The following P4HA2 variants were observed in gnomAD, a reference collection of about 807,000 sequenced individuals.
P4HA2 encodes the protein prolyl 4-hydroxylase subunit alpha-2.
Under a neutral mutation model 76.9 loss-of-function variants are expected in P4HA2, and 46 were observed. The observed-to-expected ratio is 0.60, with a 90% confidence interval of 0.47 to 0.76. P4HA2 has a LOEUF of 0.76. Ranked by LOEUF, P4HA2 falls within the 30% of genes least tolerant of loss-of-function variation. The pLI is 0.00. For missense variants in P4HA2, 583 were observed against 669.4 expected, an observed-to-expected ratio of 0.87 and a Z score of 1.42; for synonymous variants, 243 against 254.0, an observed-to-expected ratio of 0.96 and a Z score of 0.41.
At chr5:132,222,989 C>T (rs1037535677) in intron 1 of P4HA2, among the ~76,000 whole-genome samples, 8 of 152,232 alleles carry the variant, frequency 5.3e-5, no homozygotes, top group Non-Finnish European at 7.3e-5. Flanking sequence ...CCATATACCA[C>T]TATATTGGAT....
intron 4 of P4HA2, among the ~76,000 whole-genome samples, chr5:132,214,734 A>G (rs142876090): frequency 6.6e-5 from 10 of 152,006 alleles, no homozygotes; most frequent in Non-Finnish European, 1.3e-4. Flanking sequence ...CCGTCCCCTA[A>G]GAGACCACGG....
chr5:132,203,988 G>C, intron 9 of P4HA2, 94 bp downstream of exon 9: 1 of 1,189,150 alleles, frequency 8.4e-7, no homozygotes, highest in Non-Finnish European at 1.3e-6. Flanking sequence ...GGTGCCAGCA[G>C]GCAGGAAAAG....
chr5:132,193,103 T>C, intron 14 of P4HA2, 23 bp from the exon 15 acceptor site: 1 of 1,581,472 alleles, frequency 6.3e-7, no homozygotes, highest in Non-Finnish European at 8.7e-7. Context: ...AGCAAGCATG[T>C]TACAATCCTA....
chr5:132,214,339 G>A (rs1448024392), intron 4 of P4HA2, among the ~76,000 whole-genome samples: 1 of 152,172 alleles, frequency 6.6e-6, no homozygotes, highest in African/African-American at 2.4e-5. Context: ...AGAAGTCTTG[G>A]CTCCAAATCA....
chr5:132,191,265 C>A lies in P4HA2; in HGVS notation c.*1745G>T, dbSNP rs1158087513. On this transcript the variant is annotated 3_prime_UTR_variant, in exon 15 of 15. Transcript: ENST00000360568. ...CGGTGGCTCACGCCTGTAATCCCAG[C>A]ACTTTGGGAGGCCGAGGCGGGCGGA... Among the ~76,000 whole-genome samples the A allele has an allele frequency of 1.3e-5, 2 of 152,152 alleles. No individual in the cohort carries two copies. The highest frequency in any genetic ancestry group is 2.9e-5 in the Non-Finnish European group (2 of 68,022).
At chr5:132,201,358 C>T (rs560743655) in intron 10 of P4HA2, 1 of 152,174 alleles carries the variant, frequency 6.6e-6, no homozygotes, top group African/African-American at 2.4e-5. Context: ...TGAGCTACAG[C>T]TGAAAGAATG....
At position 132,203,732 on chromosome 5, in the gene P4HA2, C is replaced by G; in HGVS notation, c.1251+16G>C. On this transcript the variant is annotated intron_variant, in intron 10 of 14. Coordinates refer to ENST00000360568, the MANE Select transcript of P4HA2 (RefSeq NM_001017974.2). ...ACCCACTTCCCAACTCCTACAGTCC[C>G]AGGTACTATCTGTACCTGTAACAAT... 6.6e-7 allele frequency: 1 copy of G among 1,515,660 alleles called. No individual in the cohort carries two copies. Among genetic ancestry groups the G allele is most frequent in the Non-Finnish European group, 9.2e-7 (1 of 1,090,320 alleles). 93.9% of individuals were successfully genotyped at this position (1,515,660 alleles called of 1,614,324 possible).
At chr5:132,212,324 G>C (rs752596165) in intron 5 of P4HA2, among the ~76,000 whole-genome samples, 51 of 152,178 alleles carry the variant, frequency 3.4e-4, no homozygotes, top group Non-Finnish European at 5.1e-4. Flanking sequence ...GTCTTAAGCA[G>C]TAAGCTGGAG....
Position 132,214,051 on chromosome 5 carries a change from A to G in P4HA2, c.334T>C (p.Phe112Leu). 1 of 1,613,918 alleles carries G rather than the reference A, an allele frequency of 6.2e-7. No homozygotes were observed. The highest frequency in any genetic ancestry group is 1.7e-4 in the Middle Eastern group (1 of 6,060). Residue 112 changes from phenylalanine (F) to leucine (L), a missense_variant and splice_region_variant, in exon 5 of 15, where the codon TTT (phenylalanine) becomes CTT (leucine). By Grantham distance (22) the Phe-to-Leu change is conservative. Coordinates refer to ENST00000360568, the MANE Select transcript of P4HA2 (RefSeq NM_001017974.2). ...CGCTGCACAGAGAGGTTGGCGATAA[A>G]ACCTTCCAAATGAGAGTCAGAACAA... is the stretch of plus-strand genomic sequence containing the variant. ...DLVLQDSAAG[F>L]IANLSVQRQF...
intron 7 of P4HA2, among the ~76,000 whole-genome samples, chr5:132,208,511 C>A (rs188705987): frequency 2.0e-5 from 3 of 150,122 alleles, no homozygotes; most frequent in African/African-American, 7.4e-5. Flanking sequence ...CCCCACAAAT[C>A]ATGCAATTTT....
chr5:132,225,059 A>AC (rs996202225), intron 1 of P4HA2, among the ~76,000 whole-genome samples: 5 of 151,882 alleles, frequency 3.3e-5, no homozygotes, highest in Admixed American at 2.6e-4. Flanking sequence ...GAAAAAAAAA[A>AC]AAAAAAAAAA....
chr5:132,194,646 T>C (rs182228024), intron 14 of P4HA2, among the ~76,000 whole-genome samples: 26 of 152,358 alleles, frequency 1.7e-4, no homozygotes, highest in Middle Eastern at 3.4e-3. Flanking sequence ...TCAGAAGCCT[T>C]GCCAGAGGGT....
rs1289377621 is a variant in P4HA2, at chr5:132,191,283, C to T, written c.*1727G>A. 6.6e-6 allele frequency among the ~76,000 whole-genome samples: 1 copy of T among 151,980 alleles called. No individual in the cohort carries two copies. Among genetic ancestry groups the T allele is most frequent in the Non-Finnish European group, 1.5e-5 (1 of 67,986 alleles). On this transcript the variant is annotated 3_prime_UTR_variant, in exon 15 of 15. Coordinates refer to ENST00000360568, the MANE Select transcript of P4HA2 (RefSeq NM_001017974.2). ...ATCCCAGCACTTTGGGAGGCCGAGG[C>T]GGGCGGATCACGAGGTCAGGAGATC... is the stretch of plus-strand genomic sequence containing the variant.
At chr5:132,193,184 C>A in intron 14 of P4HA2, 104 bp from the exon 15 acceptor site, 1 of 762,398 alleles carries the variant, frequency 1.3e-6, no homozygotes, top group South Asian at 1.5e-5. Flanking sequence ...TGGAATCAGA[C>A]ACAAATAAGA....
chr5:132,219,445 A>G (rs1754350546), intron 1 of P4HA2, among the ~76,000 whole-genome samples: 1 of 152,224 alleles, frequency 6.6e-6, no homozygotes, highest in Non-Finnish European at 1.5e-5. Context: ...GACATGGGAA[A>G]GGGGCCAGCT....
intron 4 of P4HA2, among the ~76,000 whole-genome samples, chr5:132,214,555 G>T (rs1391937414): frequency 6.6e-6 from 1 of 152,174 alleles, no homozygotes; most frequent in Non-Finnish European, 1.5e-5. Flanking sequence ...GACAATGACA[G>T]TTAACTAATG....
At chr5:132,218,718 C>T (rs1036411001) in intron 1 of P4HA2, 74 bp from the exon 2 acceptor site, 4 of 821,316 alleles carry the variant, frequency 4.9e-6, no homozygotes, top group African/African-American at 1.7e-5. Flanking sequence ...GACACATAGG[C>T]ATGTACACAC....
At chr5:132,195,708 G>A (rs1750533175) in intron 12 of P4HA2, 4 of 578,770 alleles carry the variant, frequency 6.9e-6, no homozygotes, top group Non-Finnish European at 1.2e-5. Context: ...CAAGAGTTGA[G>A]GCCCACAGGA....
In P4HA2 at chr5:132,191,511, C is replaced by CAAAA. The variant is rs76741539; in HGVS notation, c.*1495_*1498dup. ...TGGGCGACAGAGCGAGACTCCGTCT[C>CAAAA]AAAAAAAAAAAAAAAAAAAAAGATT... is the stretch of plus-strand genomic sequence containing the variant. On this transcript the variant is annotated 3_prime_UTR_variant, in exon 15 of 15. Coordinates refer to ENST00000360568, the MANE Select transcript of P4HA2 (RefSeq NM_001017974.2). Among the ~76,000 whole-genome samples the CAAAA allele has an allele frequency of 2.0e-5, 1 of 49,080 alleles. No homozygotes were observed. Among genetic ancestry groups the CAAAA allele is most frequent in the Admixed American group, 2.1e-4 (1 of 4,836 alleles). The allele number at this position is 49,080 out of a possible 152,430, so 32.2% of individuals were successfully genotyped here. A position where few individuals can be genotyped will look rare whatever the true frequency, so the allele number is the denominator to read the frequency against.
Sources: gnomAD v4.1 joint callset for allele counts (sites outside exome capture counted in the v4.1 genomes callset) on GRCh38, gnomAD v4.1.1 for gene constraint, MANE v1.5 for transcripts, NCBI Gene and HGNC (gene_info 2026-07-23, HGNC 2026-07-21) for gene names.